Variants in IL10RA observed in about 807,000 individuals in gnomAD.
The protein encoded by IL10RA is interleukin-10 receptor subunit alpha.
IL10RA carries 18 observed loss-of-function variants against 29.6 expected under a neutral mutation model. The observed-to-expected ratio is 0.61, with a 90% CI of 0.42 to 0.90. The LOEUF is 0.90. IL10RA is among the 40% of genes least tolerant of loss of function. The probability of loss-of-function intolerance (pLI) is 0.00; values close to 1 mark genes in which losing one functional copy is unlikely to be tolerated. For synonymous variants in IL10RA, 292 were observed against 294.1 expected (o/e 0.99, Z 0.07); for missense variants, 634 against 716.6 (o/e 0.88, Z 1.32).
At chr11:117,987,801 T>A (rs1012406179) in intron 1 of IL10RA, 3 of 189,066 alleles carry the variant, frequency 1.6e-5, no homozygotes, top group African/African-American at 7.1e-5. Context: ...CATCTGTCCT[T>A]GCCCAGCCAG....
chr11:117,996,154 T>C (rs4252277), intron 6 of IL10RA, among the ~76,000 whole-genome samples: 1 of 152,204 alleles, frequency 6.6e-6, no homozygotes, highest in Middle Eastern at 3.4e-3. Flanking sequence ...CCTACTGCTA[T>C]TAGCCATGGG....
In IL10RA at chr11:117,999,528, G is replaced by T. The variant is rs1256749577; in HGVS notation, c.1624G>T (p.Ala542Ser). 3 of 1,614,064 alleles carry T rather than the reference G, an allele frequency of 1.9e-6. No individual in the cohort carries two copies. Among genetic ancestry groups the T allele is most frequent in the Non-Finnish European group, 2.5e-6 (3 of 1,180,040 alleles). The part of the protein sequence containing the change: ...SDLGISDWSF[A>S]HDLAPLGCVA... Reference sequence around the variant, plus strand: ...CCTGGGAATATCTGACTGGAGCTTTGCCCATGACCTTGCCCCTCTAGGCTG... The same window carrying T: ...CCTGGGAATATCTGACTGGAGCTTTTCCCATGACCTTGCCCCTCTAGGCTG... Residue 542 changes from alanine (A) to serine (S), a missense_variant, in exon 7 of 7, where the codon GCC becomes TCC. Coordinates refer to ENST00000227752, the MANE Select transcript of IL10RA (RefSeq NM_001558.4).
intron 6 of IL10RA, among the ~76,000 whole-genome samples, chr11:117,996,247 CTG>C (rs1491042705): frequency 1.3e-4 from 19 of 151,600 alleles, no homozygotes; most frequent in African/African-American, 3.9e-4. Flanking sequence ...AGAGAGGACA[CTG>C]GGGGGCGGTG....
At chr11:117,995,195 C>T (rs2134990896) in intron 5 of IL10RA, 1 of 346,120 alleles carries the variant, frequency 2.9e-6, no homozygotes, top group East Asian at 7.4e-5. Flanking sequence ...AGGTCAGTGG[C>T]TCTGACAGAG....
chr11:117,994,068 G>A lies in IL10RA; in HGVS notation c.607G>A (p.Val203Ile), dbSNP rs544340601. 2.5e-6 allele frequency: 4 copies of A among 1,614,094 alleles called. No homozygotes were observed. The highest frequency in any genetic ancestry group is 4.5e-5 in the East Asian group (2 of 44,890). ...CTCTGGAGAAGTGGGAGAGTTCTGT[G>A]TCCAGGTGAAACCATCTGTCGCTTC... ...LTSGEVGEFC[V>I]QVKPSVASRS... Residue 203 changes from valine to isoleucine, a missense_variant, in exon 5 of 7, where the codon GTC (valine) becomes ATC (isoleucine). Coordinates refer to ENST00000227752, the MANE Select transcript of IL10RA (RefSeq NM_001558.4).
In IL10RA at chr11:117,999,193, C is replaced by A. The variant is rs753410405; in HGVS notation, c.1289C>A (p.Pro430His). The A allele has an allele frequency of 6.2e-7, 1 of 1,614,122 alleles. No individual in the cohort carries two copies. Among genetic ancestry groups the A allele is most frequent in the African/African-American group, 1.3e-5 (1 of 74,942 alleles). The change falls in exon 7 of 7, where the codon CCT (proline) becomes CAT (histidine). Residue 430 changes from proline to histidine, a missense_variant. Pro to His is a moderately conservative substitution (Grantham distance 77). Coordinates refer to ENST00000227752, the MANE Select transcript of IL10RA (RefSeq NM_001558.4). The part of the protein sequence containing the change: ...SALGHHSPPE[P>H]EVPGEEDPAA... ...TTGGGCCACCACAGTCCCCCGGAGCCTGAGGTGCCTGGGGAAGAAGACCCA... is the reference window on the plus strand; with the variant it reads ...TTGGGCCACCACAGTCCCCCGGAGCATGAGGTGCCTGGGGAAGAAGACCCA...
Position 117,993,926 on chromosome 11 carries a change from G to A in IL10RA, c.538-73G>A, listed in dbSNP as rs376613247. 555 of 1,386,828 alleles carry A rather than the reference G, an allele frequency of 4.0e-4. 11 individuals are homozygous for A. The South Asian group carries it at 4.7e-3, about 12-fold the overall frequency. 85.9% of individuals were successfully genotyped at this position (1,386,828 alleles called of 1,614,324 possible). Reference sequence around the variant, plus strand: ...GGGGTTGGCTGAAATCACCTCTAAAGGCCCACCAGCTCTCAGTGTCCGTGT... The same window carrying A: ...GGGGTTGGCTGAAATCACCTCTAAAAGCCCACCAGCTCTCAGTGTCCGTGT... On this transcript the variant is annotated intron_variant, in intron 4 of 6. Transcript: ENST00000227752.
rs576666901 is a variant in IL10RA at position 117,998,755 on chromosome 11, G to A, written c.851G>A (p.Arg284His). 3.3e-5 allele frequency: 53 copies of A among 1,614,086 alleles called. No individual in the cohort carries two copies. In the East Asian group the frequency reaches 3.6e-4, roughly 11 times the overall value. Reference sequence around the variant, plus strand: ...AGCCCCTTCATCTTCATCAGCCAGCGTCCCTCCCCAGAGACCCAAGACACC... The same window carrying A: ...AGCCCCTTCATCTTCATCAGCCAGCATCCCTCCCCAGAGACCCAAGACACC... ...KPSPFIFISQ[R>H]PSPETQDTIH... The change falls in exon 7 of 7, where the codon CGT becomes CAT. Residue 284 changes from arginine (R) to histidine (H), a missense_variant. Physicochemically the swap from Arg to His is conservative, Grantham distance 29. Transcript: ENST00000227752.
chr11:117,998,141 A>G (rs2058067880), intron 6 of IL10RA, among the ~76,000 whole-genome samples: 1 of 152,148 alleles, frequency 6.6e-6, no homozygotes, highest in African/African-American at 2.4e-5. Flanking sequence ...GTGAGTCACT[A>G]CTCGGGGAAT....
In IL10RA at chr11:117,999,288, T is replaced by C. The variant is rs1171292273; in HGVS notation, c.1384T>C (p.Cys462Arg). Reference sequence around the variant, plus strand: ...TGAAGAGAAGGCAACCAAGACAGGCTGCCTGGAGGAAGAATCGCCCTTGAC... The same window carrying C: ...TGAAGAGAAGGCAACCAAGACAGGCCGCCTGGAGGAAGAATCGCCCTTGAC... ...CAEEKATKTG[C>R]LEEESPLTDG... Residue 462 changes from cysteine (C) to arginine (R), a missense_variant, in exon 7 of 7, where the codon TGC (cysteine) becomes CGC (arginine). Transcript: ENST00000227752. 6.2e-7 allele frequency: 1 copy of C among 1,614,208 alleles called. No individual in the cohort carries two copies. Among genetic ancestry groups the C allele is most frequent in the South Asian group, 1.1e-5 (1 of 91,092 alleles).
chr11:117,993,542 A>C (rs2058038072), intron 4 of IL10RA, 132 bp downstream of exon 4: 2 of 799,548 alleles, frequency 2.5e-6, no homozygotes, highest in Non-Finnish European at 4.3e-6. Flanking sequence ...GTGGGTGGGC[A>C]GAGGAGGGAG....
At position 117,994,451 on chromosome 11, in the gene IL10RA, CG is replaced by C. The variant is rs970521909; in HGVS notation, c.688+306del. ...GTTTCCCAACAACATCCCCCTCCCCCGGGGCCATCTTCAGTGAGCTGTGCTA... is the reference window on the plus strand; with the variant it reads ...GTTTCCCAACAACATCCCCCTCCCCCGGGCCATCTTCAGTGAGCTGTGCTA... On this transcript the variant is annotated intron_variant, in intron 5 of 6. Coordinates refer to ENST00000227752, the MANE Select transcript of IL10RA (RefSeq NM_001558.4). Among the ~76,000 whole-genome samples, 46 of 152,318 alleles carry C rather than the reference CG, an allele frequency of 3.0e-4. No homozygotes were observed. The Middle Eastern group carries it at 0.01, about 34-fold the overall frequency.
chr11:117,989,499 C>T lies in IL10RA; in HGVS notation c.246C>T (p.Asp82=). Residue 82 remains aspartate, a synonymous_variant, in exon 3 of 7, where the codon GAC becomes GAT. Transcript: ENST00000227752. This position sits in a 1 kb window ranked among gnomAD's most constrained non-coding sequence, Gnocchi z 4.5. ...ACTGTAGCCAGACCCTGTCCTATGACCTTACCGCAGTGACCTTGGACCTGT... is the reference window on the plus strand; with the variant it reads ...ACTGTAGCCAGACCCTGTCCTATGATCTTACCGCAGTGACCTTGGACCTGT... ...ISNCSQTLSY[D]LTAVTLDLYH... is the part of the protein sequence containing the mutation. 1 of 1,614,160 alleles carries T rather than the reference C, an allele frequency of 6.2e-7. No homozygotes were observed. The highest frequency in any genetic ancestry group is 1.6e-4 in the Middle Eastern group (1 of 6,062).
Position 117,999,240 on chromosome 11 carries a change from T to A in IL10RA, c.1336T>A (p.Tyr446Asn), listed in dbSNP as rs763134422. ...EDPAAVAFQG[Y>N]LRQTRCAEEK... ...CCCAGCTGCTGTGGCATTCCAGGGT[T>A]ACCTGAGGCAGACCAGATGTGCTGA... is the stretch of plus-strand genomic sequence containing the variant. The change falls in exon 7 of 7, where the codon TAC (tyrosine) becomes AAC (asparagine). Residue 446 changes from tyrosine (Y) to asparagine (N), a missense_variant. Tyr to Asn is a moderately radical substitution (Grantham distance 143). Coordinates refer to ENST00000227752, the MANE Select transcript of IL10RA (RefSeq NM_001558.4). 1 of 1,614,228 alleles carries A rather than the reference T, an allele frequency of 6.2e-7. No homozygotes were observed. Among genetic ancestry groups the A allele is most frequent in the Admixed American group, 1.7e-5 (1 of 60,032 alleles).
intron 6 of IL10RA, among the ~76,000 whole-genome samples, chr11:117,998,281 T>C (rs1314882274): frequency 1.3e-5 from 2 of 152,226 alleles, no homozygotes; most frequent in Non-Finnish European, 2.9e-5. Context: ...TGAGTATTAT[T>C]TTGTGAAACT....
chr11:117,994,649 G>C (rs1033012503), intron 5 of IL10RA, among the ~76,000 whole-genome samples: 2 of 152,234 alleles, frequency 1.3e-5, no homozygotes, highest in African/African-American at 4.8e-5. Context: ...GATAATAGAG[G>C]ACATGGAGGC....
downstream of IL10RA, chr11:118,001,619 C>A (rs938273296): frequency 3.6e-5 from 13 of 357,210 alleles, no homozygotes; most frequent in Admixed American, 4.9e-4. Context: ...AGGCTTAAAT[C>A]TGACAGACCC....
In IL10RA at chr11:118,000,526, G is replaced by A. The variant is rs1430557091; in HGVS notation, c.*885G>A. On this transcript the variant is annotated 3_prime_UTR_variant, in exon 7 of 7. Coordinates refer to ENST00000227752, the MANE Select transcript of IL10RA (RefSeq NM_001558.4). ...GGGCGGCCTCTGGGCTTGGGCACCA[G>A]CTCATGCCAGCCCCAGAGGGTCAGG... The A allele has an allele frequency of 4.4e-6, 2 of 454,172 alleles. No homozygotes were observed. The highest frequency in any genetic ancestry group is 1.4e-4 in the East Asian group (2 of 14,548). The allele number at this position is 454,172 out of a possible 1,614,324, so 28.1% of individuals were successfully genotyped here.
intron 3 of IL10RA, among the ~76,000 whole-genome samples, chr11:117,990,347 T>C (rs1456096833): frequency 3.2e-5 from 3 of 95,036 alleles, no homozygotes; most frequent in Non-Finnish European, 6.3e-5. Context: ...GCCCAGGGCA[T>C]CTGTATTTTT....
Sources: allele counts gnomAD v4.1 joint callset (sites outside exome capture counted in the v4.1 genomes callset), GRCh38; gene constraint gnomAD v4.1.1; non-coding constraint Gnocchi (gnomAD v3.1); transcripts MANE v1.5; gene names NCBI Gene and HGNC (gene_info 2026-07-23, HGNC 2026-07-21).